CALN1: variants seen among roughly 807,000 people sequenced by gnomAD.
CALN1 encodes calneuron 1, also known as calcium-binding protein 8.
In CALN1, 17 loss-of-function variants were observed where a neutral mutation model predicts 30.6. That is an observed-to-expected ratio of 0.56 (90% CI 0.38 to 0.83). The LOEUF is 0.83. CALN1 is among the 40% of genes least tolerant of loss of function. CALN1 has a pLI of 0.00. For missense variants in CALN1, 291 were observed against 354.9 expected, an observed-to-expected ratio of 0.82 and a Z score of 1.45; for synonymous variants, 156 against 131.4, an observed-to-expected ratio of 1.19 and a Z score of -1.28.
At chr7:72,405,406 T>A (rs1181495168) in intron 1 of CALN1, among the ~76,000 whole-genome samples, 1 of 152,136 alleles carries the variant, frequency 6.6e-6, no homozygotes, top group East Asian at 1.9e-4. Context: ...CTCAGGAAAC[T>A]TAACAATTAT....
chr7:72,264,863 GT>G (rs1796506902), intron 3 of CALN1, among the ~76,000 whole-genome samples: 1 of 152,108 alleles, frequency 6.6e-6, no homozygotes, highest in Non-Finnish European at 1.5e-5. Flanking sequence ...ATAGGCCCCA[GT>G]GTGTATTGTT....
rs746524699 is a variant in CALN1, at chr7:71,882,679, TA to T, written c.502-72188del. Among the ~76,000 whole-genome samples the T allele has an allele frequency of 4.0e-3, 581 of 146,204 alleles. 1 individual carries two copies. Among genetic ancestry groups the T allele is most frequent in the Middle Eastern group, 0.01 (3 of 288 alleles). On this transcript the variant is annotated intron_variant, in intron 5 of 6. Transcript: ENST00000395275. ...CAATACTTTATTCCCTTGTCCTACTTAAAAAAAAAAACAACTTTTTAAGAGA... is the reference window on the plus strand; with the variant it reads ...CAATACTTTATTCCCTTGTCCTACTTAAAAAAAAAACAACTTTTTAAGAGA...
intron 3 of CALN1, among the ~76,000 whole-genome samples, chr7:72,220,563 T>C (rs777416355): frequency 8.0e-4 from 122 of 152,274 alleles, no homozygotes; most frequent in African/African-American, 2.9e-3. Flanking sequence ...TACCCAGTAA[T>C]GGGATGGCTG....
chr7:72,079,865 G>C (rs1489261947), intron 4 of CALN1, among the ~76,000 whole-genome samples: 2 of 148,088 alleles, frequency 1.4e-5, no homozygotes, highest in Non-Finnish European at 3.0e-5. Flanking sequence ...CCACCTCCTG[G>C]GTTCAAATGA....
At chr7:71,986,195 G>A (rs1293411874) in intron 5 of CALN1, among the ~76,000 whole-genome samples, 1 of 152,014 alleles carries the variant, frequency 6.6e-6, no homozygotes, top group Non-Finnish European at 1.5e-5. Context: ...CCACAGGCAT[G>A]TGCCACCACA....
intron 4 of CALN1, among the ~76,000 whole-genome samples, chr7:72,073,415 T>C (rs1367536108): frequency 1.3e-5 from 2 of 152,204 alleles, no homozygotes; most frequent in African/African-American, 2.4e-5. Flanking sequence ...ATTATGTTTA[T>C]TTTACACAAT....
intron 3 of CALN1, among the ~76,000 whole-genome samples, chr7:72,145,289 A>AT (rs1272658290): frequency 6.6e-6 from 1 of 152,218 alleles, no homozygotes; most frequent in Admixed American, 6.5e-5. Flanking sequence ...TAAAGGGGAT[A>AT]TCACCACCGA....
intron 5 of CALN1, among the ~76,000 whole-genome samples, chr7:71,859,212 A>G (rs969349726): frequency 2.0e-5 from 3 of 151,882 alleles, no homozygotes; most frequent in African/African-American, 7.3e-5. Flanking sequence ...ACAGGCATGT[A>G]CCACCACATC....
intron 4 of CALN1, among the ~76,000 whole-genome samples, chr7:72,100,162 T>C (rs1017312219): frequency 3.1e-5 from 2 of 64,450 alleles, no homozygotes; most frequent in East Asian, 0.067. Context: ...TTGAGTTTTT[T>C]TGTTTTTTTT....
At chr7:72,289,937 G>A (rs1302572606) in intron 2 of CALN1, among the ~76,000 whole-genome samples, 1 of 151,632 alleles carries the variant, frequency 6.6e-6, no homozygotes, top group Non-Finnish European at 1.5e-5. Flanking sequence ...AATTAGCCGG[G>A]CATAGTGGTA....
At chr7:71,820,236 A>G (rs1020742485) in intron 5 of CALN1, among the ~76,000 whole-genome samples, 1 of 152,136 alleles carries the variant, frequency 6.6e-6, no homozygotes, top group African/African-American at 2.4e-5. Context: ...CCAACTGCCA[A>G]TCAGAACCCA....
intron 3 of CALN1, among the ~76,000 whole-genome samples, chr7:72,273,065 C>T (rs376938982): frequency 6.6e-6 from 1 of 151,792 alleles, no homozygotes; most frequent in African/African-American, 2.4e-5. Context: ...CACCTCTGCC[C>T]AGAGCCATGG....
chr7:72,253,223 A>C (rs1795685305), intron 3 of CALN1, among the ~76,000 whole-genome samples: 1 of 152,234 alleles, frequency 6.6e-6, no homozygotes, highest in Non-Finnish European at 1.5e-5. Flanking sequence ...AAAAACTTGA[A>C]GAACTAATGC....
chr7:72,426,626 T>A (rs1055927915), intron 1 of CALN1, among the ~76,000 whole-genome samples: 31 of 152,292 alleles, frequency 2.0e-4, no homozygotes, highest in African/African-American at 7.5e-4. Context: ...ATACATCTAC[T>A]ATAGCTGAAA....
At chr7:71,889,879 C>A (rs113461526) in intron 5 of CALN1, among the ~76,000 whole-genome samples, 2 of 151,280 alleles carry the variant, frequency 1.3e-5, no homozygotes, top group African/African-American at 4.9e-5. Flanking sequence ...GCAGGAGAAT[C>A]ATTTGAACCT....
At chr7:72,360,479 A>C (rs951702842) in intron 2 of CALN1, among the ~76,000 whole-genome samples, 1 of 151,908 alleles carries the variant, frequency 6.6e-6, no homozygotes, top group Non-Finnish European at 1.5e-5. Context: ...ATGTTTATAG[A>C]TGCATACAAA....
intron 2 of CALN1, among the ~76,000 whole-genome samples, chr7:72,382,568 T>C (rs1441928920): frequency 1.3e-5 from 2 of 152,238 alleles, no homozygotes; most frequent in Non-Finnish European, 2.9e-5. Context: ...ACCCACGTAG[T>C]GAGCATAGTA....
In CALN1 at chr7:72,249,429, T is replaced by C. The variant is rs950012661; in HGVS notation, c.244+29257A>G. Among the ~76,000 whole-genome samples the C allele has an allele frequency of 1.3e-4, 20 of 152,278 alleles. No individual in the cohort carries two copies. The East Asian group carries it at 2.1e-3, about 16-fold the overall frequency. On this transcript the variant is annotated intron_variant, in intron 3 of 6. Transcript: ENST00000395275. ...AGAAACTTGCCCAAGATCACATGTT[T>C]AATGGCTGGTGGAGGCAGGACTAGC...
chr7:71,787,945 T>TGGGAGAA lies in CALN1; in HGVS notation c.659-50_659-44dup, dbSNP rs768122235. The stretch of plus-strand genomic sequence containing the variant: ...AGGTGTGGGAAGAAGGAAGAGGGGT[T>TGGGAGAA]GGGAGAAGAGAGAAGAGAGAAATAA... On this transcript the variant is annotated intron_variant, in intron 6 of 6. Transcript: ENST00000395275. 1.9e-6 allele frequency: 3 copies of TGGGAGAA among 1,612,920 alleles called. No homozygotes were observed. In the South Asian group the frequency reaches 3.3e-5, roughly 18 times the overall value.
Sources: allele counts gnomAD v4.1 joint callset (sites outside exome capture counted in the v4.1 genomes callset), GRCh38; gene constraint gnomAD v4.1.1; transcripts MANE v1.5; gene names NCBI Gene and HGNC (gene_info 2026-07-23, HGNC 2026-07-21).